Variants in SNX15 observed in about 807,000 individuals in gnomAD.
SNX15 encodes sorting nexin 15.
SNX15 carries 29 observed loss-of-function variants against 35.2 expected under a neutral mutation model. The observed-to-expected ratio is 0.82, with a 90% CI of 0.61 to 1.12. SNX15 has a LOEUF of 1.12. Among genes scored for constraint, SNX15 ranks in the 50% most tolerant of loss-of-function variants. The pLI, the probability that SNX15 is intolerant of heterozygous loss-of-function variation, is 0.00. For missense variants in SNX15, 400 were observed against 451.5 expected (o/e 0.89, Z 1.03); for synonymous variants, 189 against 188.2 (o/e 1.00, Z -0.03).
At position 65,032,306 on chromosome 11, in the gene SNX15, C is replaced by T. The variant is rs772723740; in HGVS notation, c.135+103C>T. The T allele has an allele frequency of 3.2e-5, 51 of 1,577,352 alleles. No homozygotes were observed. In the East Asian group the frequency reaches 1.1e-3, roughly 35 times the overall value. ...CTTGGACATCGGCCCTCCTTCCTCC[C>T]TGTCCCTGGGCGAGGGGCTGCTGCA... On this transcript the variant is annotated intron_variant, in intron 2 of 7. Transcript: ENST00000377244.
In SNX15 at chr11:65,038,901, C is replaced by A. The variant is rs878874597; in HGVS notation, c.922+72C>A. 1.1e-5 allele frequency: 15 copies of A among 1,311,042 alleles called. No individual in the cohort carries two copies. In the South Asian group the frequency reaches 2.5e-4, roughly 22 times the overall value. 81.2% of individuals were successfully genotyped at this position (1,311,042 alleles called of 1,614,324 possible). ...GGCAGTGATGAAGGGAGCAAAAAAA[C>A]AAGCAAATCACGGATCAGGAGCCCT... On this transcript the variant is annotated intron_variant, in intron 7 of 7. Coordinates refer to ENST00000377244, the MANE Select transcript of SNX15 (RefSeq NM_013306.5).
chr11:65,040,058 G>A lies in SNX15; in HGVS notation c.*266G>A. 1 of 390,524 alleles carries A rather than the reference G, an allele frequency of 2.6e-6. No homozygotes were observed. The highest frequency in any genetic ancestry group is 4.7e-6 in the Non-Finnish European group (1 of 211,720). 24.2% of individuals were successfully genotyped at this position (390,524 alleles called of 1,614,324 possible). A position where few individuals can be genotyped will look rare whatever the true frequency, so the allele number is the denominator to read the frequency against. On this transcript the variant is annotated 3_prime_UTR_variant, in exon 8 of 8. Transcript: ENST00000377244. ...GCTGTGTCGCCCAGACTGGAGTGCA[G>A]TGGTGGGATCGCGGCTCACTGCAAC...
chr11:65,029,096 TATAA>T (rs113466481), intron 1 of SNX15, among the ~76,000 whole-genome samples: 72,440 of 148,224 alleles, frequency 0.49, 18,796 homozygotes, highest in Non-Finnish European at 0.58. Flanking sequence ...GTCTCAAAAA[TATAA>T]ATAAATAAAT....
intron 1 of SNX15, among the ~76,000 whole-genome samples, chr11:65,029,544 TATAAA>T (rs1018899014): frequency 6.0e-5 from 9 of 148,844 alleles, no homozygotes; most frequent in Middle Eastern, 3.3e-3. Context: ...ATATAATAAA[TATAAA>T]ATATAAAGCA....
chr11:65,034,409 A>G (rs1946475685), intron 3 of SNX15, among the ~76,000 whole-genome samples: 1 of 152,214 alleles, frequency 6.6e-6, no homozygotes, highest in Non-Finnish European at 1.5e-5. Context: ...TAACACAGCC[A>G]GTCCTTTTCT....
In SNX15 at chr11:65,029,777, G is replaced by T. The variant is rs532950659; in HGVS notation, c.99+2141G>T. Among the ~76,000 whole-genome samples the T allele has an allele frequency of 2.0e-5, 3 of 151,794 alleles. No individual in the cohort carries two copies. The South Asian group carries it at 6.2e-4, about 32-fold the overall frequency. On this transcript the variant is annotated intron_variant, in intron 1 of 7. Transcript: ENST00000377244. ...TTTTTAGTAGAGACGGGATTTCACT[G>T]TGTTGGCCAGGCTGGTCTCGAACTC...
intron 1 of SNX15, among the ~76,000 whole-genome samples, chr11:65,029,452 G>A (rs1337774978): frequency 2.7e-5 from 4 of 150,912 alleles, no homozygotes; most frequent in Non-Finnish European, 4.4e-5. Context: ...CACCACACCC[G>A]GCCTCCCATT....
At chr11:65,034,295 C>T (rs760555282) in intron 3 of SNX15, among the ~76,000 whole-genome samples, 10 of 152,122 alleles carry the variant, frequency 6.6e-5, no homozygotes, top group Non-Finnish European at 1.5e-4. Flanking sequence ...ATTGTGTGCA[C>T]CTATAGTCCC....
chr11:65,030,501 A>ATT (rs1225099649), intron 1 of SNX15, among the ~76,000 whole-genome samples: 21 of 131,900 alleles, frequency 1.6e-4, no homozygotes, highest in African/African-American at 1.8e-4. Flanking sequence ...CTGGCCTATA[A>ATT]TTTTTTTTTT....
chr11:65,039,221 A>T (rs1323508499), intron 7 of SNX15, among the ~76,000 whole-genome samples: 9 of 143,446 alleles, frequency 6.3e-5, no homozygotes, highest in Non-Finnish European at 7.6e-5. Flanking sequence ...ATTTATTTTT[A>T]TTTATTTATT....
At chr11:65,035,995 C>T (rs973981835) in intron 6 of SNX15, 1 of 225,764 alleles carries the variant, frequency 4.4e-6, no homozygotes, top group East Asian at 9.3e-5. Flanking sequence ...CCTGCAAGCT[C>T]TTGGTGGGAT....
At chr11:65,037,065 A>G (rs545110562) in intron 6 of SNX15, 29 of 152,290 alleles carry the variant, frequency 1.9e-4, no homozygotes, top group African/African-American at 6.0e-4. Flanking sequence ...GGGAAAGGCA[A>G]TGTTGGTGTC....
At position 65,032,396 on chromosome 11, in the gene SNX15, T is replaced by C. The variant is rs376289279; in HGVS notation, c.136-35T>C. 8.1e-6 allele frequency: 13 copies of C among 1,613,904 alleles called. No homozygotes were observed. The African/African-American group carries it at 1.5e-4, about 18-fold the overall frequency. ...GCATGGGGGCGGCTGCCTCCCACCA[T>C]TGCTGGTTCTGGGCAAGTCTCATGT... On this transcript the variant is annotated intron_variant, in intron 2 of 7. Coordinates refer to ENST00000377244, the MANE Select transcript of SNX15 (RefSeq NM_013306.5).
chr11:65,034,698 G>C, intron 3 of SNX15, 149 bp from the exon 4 acceptor site: 1 of 618,446 alleles, frequency 1.6e-6, no homozygotes, highest in Non-Finnish European at 2.8e-6. Context: ...CTCACCCCAG[G>C]AGGAACCAGG....
intron 3 of SNX15, 24 bp downstream of exon 3, chr11:65,032,575 G>A (rs1946453175): frequency 1.9e-6 from 3 of 1,613,742 alleles, no homozygotes; most frequent in East Asian, 2.2e-5. Flanking sequence ...TGGGGCACTC[G>A]GGCCAAAGAT....
In SNX15 at chr11:65,034,896, C is replaced by T. The variant is rs146324132; in HGVS notation, c.306C>T (p.Asp102=). Residue 102 remains aspartate (D), a synonymous_variant, in exon 4 of 8, where the codon GAC becomes GAT. Coordinates refer to ENST00000377244, the MANE Select transcript of SNX15 (RefSeq NM_013306.5). Reference sequence around the variant, plus strand: ...AGGAGCGGCGAAAGGGGGCAGAGGACCTGCTTCGCTTCACTGTGCACATAC... The same window carrying T: ...AGGAGCGGCGAAAGGGGGCAGAGGATCTGCTTCGCTTCACTGTGCACATAC... ...VIEERRKGAE[D]LLRFTVHIPA... The T allele has an allele frequency of 1.7e-5, 27 of 1,613,960 alleles. No individual in the cohort carries two copies. The highest frequency in any genetic ancestry group is 1.3e-5 in the African/African-American group (1 of 74,924).
rs765275872 is a variant in SNX15 at position 65,035,114 on chromosome 11, C to T, written c.428C>T (p.Pro143Leu). The change falls in exon 5 of 8, where the codon CCC (proline) becomes CTC (leucine). Residue 143 changes from proline to leucine, a missense_variant. Transcript: ENST00000377244. ...EVSRDLHILP[P>L]PLIPTPPPDD... ...TCCAGGGACCTACACATCCTGCCAC[C>T]CCCTCTGATCCCCACCCCGCCCCCT... 18 of 1,608,900 alleles carry T rather than the reference C, an allele frequency of 1.1e-5. No individual in the cohort carries two copies. In the East Asian group the frequency reaches 2.7e-4, roughly 24 times the overall value.
Position 65,035,580 on chromosome 11 carries a change from G to A in SNX15, c.581G>A (p.Ser194Asn), listed in dbSNP as rs904538070. ...EALDLLFNCE[S>N]TEEASGSPAR... is the part of the protein sequence containing the mutation. ...CTGGATCTCCTCTTTAACTGTGAGA[G>A]CACCGAGGAGGCATCTGGTTCCCCT... Residue 194 changes from serine (S) to asparagine (N), a missense_variant, in exon 6 of 8, where the codon AGC becomes AAC. Coordinates refer to ENST00000377244, the MANE Select transcript of SNX15 (RefSeq NM_013306.5). The A allele has an allele frequency of 1.9e-6, 3 of 1,613,816 alleles. No individual in the cohort carries two copies. Among genetic ancestry groups the A allele is most frequent in the Non-Finnish European group, 1.7e-6 (2 of 1,179,910 alleles).
At position 65,035,678 on chromosome 11, in the gene SNX15, C is replaced by T. The variant is rs369325058; in HGVS notation, c.664+15C>T. 75 of 1,592,264 alleles carry T rather than the reference C, an allele frequency of 4.7e-5. No individual in the cohort carries two copies. In the African/African-American group the frequency reaches 8.2e-4, roughly 17 times the overall value. On this transcript the variant is annotated intron_variant, in intron 6 of 7. Coordinates refer to ENST00000377244, the MANE Select transcript of SNX15 (RefSeq NM_013306.5). ...CTCCAAGGAAGGTAATGAGCTGGGA[C>T]AGCCGGGAAGGAGCCAGGGCAGGAC...
Sources: gnomAD v4.1 joint callset for allele counts (sites outside exome capture counted in the v4.1 genomes callset) on GRCh38, gnomAD v4.1.1 for gene constraint, MANE v1.5 for transcripts, NCBI Gene and HGNC (gene_info 2026-07-23, HGNC 2026-07-21) for gene names.